Variants in GLIS3 observed in about 807,000 individuals in gnomAD.
GLIS3 encodes GLIS family zinc finger 3.
In GLIS3, 53 loss-of-function variants were observed where a neutral mutation model predicts 78.6. The ratio of observed to expected loss-of-function variants is 0.67; its 90% CI spans 0.54 to 0.85. GLIS3 has a LOEUF of 0.85. Ranked by LOEUF, GLIS3 falls within the 40% of genes least tolerant of loss-of-function variation. The pLI is 0.00. For missense variants in GLIS3, 1,703 were observed against 1,231.1 expected (o/e 1.38, Z -5.74); for synonymous variants, 684 against 509.9 (o/e 1.34, Z -4.60).
chr9:4,029,060 A>T (rs1436273176), intron 4 of GLIS3, among the ~76,000 whole-genome samples: 1 of 152,148 alleles, frequency 6.6e-6, no homozygotes, highest in African/African-American at 2.4e-5. Context: ...AAAGAAGAAA[A>T]AAAGATCTAA....
At chr9:4,402,161 T>G in the GLIS3 span, among the ~76,000 whole-genome samples, 2 of 152,106 alleles carry the variant, frequency 1.3e-5, no homozygotes, top group African/African-American at 4.8e-5. Flanking sequence ...ACAGGGGTGT[T>G]TGCATCACCA....
intron 2 of GLIS3, among the ~76,000 whole-genome samples, chr9:4,224,743 C>A (rs1293802548): frequency 4.1e-5 from 6 of 144,920 alleles, no homozygotes; most frequent in African/African-American, 1.5e-4. Context: ...TTATTTCTAT[C>A]TTTGAAAGCT....
chr9:4,243,434 C>T (rs1485345779), intron 2 of GLIS3, among the ~76,000 whole-genome samples: 1 of 152,092 alleles, frequency 6.6e-6, no homozygotes, highest in Non-Finnish European at 1.5e-5. Context: ...AGTACTAACA[C>T]AGGTATACAC....
intron 2 of GLIS3, among the ~76,000 whole-genome samples, chr9:4,181,570 C>G (rs1402404506): frequency 6.6e-6 from 1 of 152,240 alleles, no homozygotes; most frequent in Admixed American, 6.5e-5. Flanking sequence ...AAGCCCAGCC[C>G]TCTTTCCTTA....
intron 4 of GLIS3, among the ~76,000 whole-genome samples, chr9:4,044,781 C>A (rs796475354): frequency 1.3e-5 from 2 of 152,168 alleles, no homozygotes; most frequent in South Asian, 2.1e-4. Context: ...AAGCAAAAAC[C>A]TGGGACTAAC....
At chr9:3,991,735 G>A (rs928134563) in intron 4 of GLIS3, among the ~76,000 whole-genome samples, 3 of 136,194 alleles carry the variant, frequency 2.2e-5, no homozygotes, top group East Asian at 4.4e-4. Context: ...CTGTCGCCCA[G>A]GCTGGAGTGC....
chr9:3,969,627 G>A (rs573832135), intron 4 of GLIS3, among the ~76,000 whole-genome samples: 2 of 152,286 alleles, frequency 1.3e-5, no homozygotes, highest in Admixed American at 1.3e-4. Flanking sequence ...AAAAGCCCAG[G>A]ATAGCTCTTT....
At chr9:3,893,182 C>G (rs183598664) in intron 7 of GLIS3, among the ~76,000 whole-genome samples, 85 of 152,282 alleles carry the variant, frequency 5.6e-4, no homozygotes, top group African/African-American at 2.0e-3. Context: ...TGCCCAGCCT[C>G]GCTACTTGCC....
chr9:3,935,727 TTTTTTC>T (rs1175596007), intron 5 of GLIS3, among the ~76,000 whole-genome samples: 1 of 152,202 alleles, frequency 6.6e-6, no homozygotes, highest in Non-Finnish European at 1.5e-5. Context: ...TTTATTCTTT[TTTTTTC>T]TTTTTCTACT....
the GLIS3 span, among the ~76,000 whole-genome samples, chr9:4,359,230 G>A: frequency 6.6e-6 from 1 of 151,794 alleles, no homozygotes; most frequent in East Asian, 1.9e-4. Flanking sequence ...GAGCGCGTGT[G>A]AATCTCCCTG....
intron 6 of GLIS3, among the ~76,000 whole-genome samples, chr9:3,927,596 G>A (rs763121447): frequency 6.6e-6 from 1 of 152,190 alleles, no homozygotes; most frequent in Non-Finnish European, 1.5e-5. Context: ...GATATCTTTC[G>A]ATATTTTTCT....
At chr9:3,917,211 T>C (rs1249062034) in intron 6 of GLIS3, among the ~76,000 whole-genome samples, 1 of 152,202 alleles carries the variant, frequency 6.6e-6, no homozygotes, top group Non-Finnish European at 1.5e-5. Flanking sequence ...ACAATGTAAA[T>C]ATCATTGCTT....
At chr9:3,848,274 G>C (rs1229560676) in intron 9 of GLIS3, among the ~76,000 whole-genome samples, 3 of 152,206 alleles carry the variant, frequency 2.0e-5, no homozygotes, top group Non-Finnish European at 4.4e-5. Context: ...GCCAAGGCAA[G>C]TGGATCACCT....
intron 1 of GLIS3, among the ~76,000 whole-genome samples, chr9:4,292,824 G>T (rs1816137038): frequency 6.6e-6 from 1 of 152,168 alleles, no homozygotes; most frequent in Non-Finnish European, 1.5e-5. Context: ...AACACACAAT[G>T]TCTTTGAGAA....
At chr9:4,167,079 T>G (rs1586859549) in intron 2 of GLIS3, among the ~76,000 whole-genome samples, 1 of 151,736 alleles carries the variant, frequency 6.6e-6, no homozygotes, top group African/African-American at 2.4e-5. Flanking sequence ...ATCAGTTCAT[T>G]TGGATCCGAA....
chr9:3,988,553 A>G (rs1476968117), intron 4 of GLIS3, among the ~76,000 whole-genome samples: 2 of 152,178 alleles, frequency 1.3e-5, no homozygotes, highest in African/African-American at 4.8e-5. Flanking sequence ...GGTATTGATG[A>G]ATTAATACAT....
chr9:4,113,829 A>G (rs765244016), intron 4 of GLIS3, among the ~76,000 whole-genome samples: 1 of 152,160 alleles, frequency 6.6e-6, no homozygotes. Flanking sequence ...ATTCAAGCCA[A>G]AGAAAATACT....
chr9:3,912,787 CAG>C lies in GLIS3; in HGVS notation c.1984-13954_1984-13953del, dbSNP rs376214030. 2.2e-4 allele frequency among the ~76,000 whole-genome samples: 34 copies of C among 152,176 alleles called. 1 individual carries two copies. In the East Asian group the frequency reaches 6.6e-3, roughly 29 times the overall value. On this transcript the variant is annotated intron_variant, in intron 6 of 10. Transcript: ENST00000381971. ...ATGCATTCTTCTTTTTTTAGAAAAA[CAG>C]AGAAATGTTAATACGGAATTTCACT...
At chr9:4,183,687 T>C (rs1484791578) in intron 2 of GLIS3, among the ~76,000 whole-genome samples, 1 of 152,206 alleles carries the variant, frequency 6.6e-6, no homozygotes, top group Non-Finnish European at 1.5e-5. Flanking sequence ...AAGTACATCT[T>C]ACAAAATTTA....
Sources: allele counts gnomAD v4.1 joint callset (sites outside exome capture counted in the v4.1 genomes callset), GRCh38; gene constraint gnomAD v4.1.1; transcripts MANE v1.5; gene names NCBI Gene and HGNC (gene_info 2026-07-23, HGNC 2026-07-21).